CSMD3: variants seen among roughly 807,000 people sequenced by gnomAD.
The protein encoded by CSMD3 is CUB and Sushi multiple domains 3.
CSMD3 carries 177 observed loss-of-function variants against 435.2 expected under a neutral mutation model. The observed-to-expected ratio is 0.41, with a 90% CI of 0.36 to 0.46. The LOEUF is 0.46. CSMD3 is among the 20% of genes least tolerant of loss of function. CSMD3 has a pLI of 0.34. For synonymous variants in CSMD3, 1,656 were observed against 1,520.5 expected, an observed-to-expected ratio of 1.09 and a Z score of -2.07; for missense variants, 4,265 against 4,504.6, an observed-to-expected ratio of 0.95 and a Z score of 1.52.
chr8:112,881,307 T>C (rs1258927936), intron 10 of CSMD3, among the ~76,000 whole-genome samples: 4 of 152,084 alleles, frequency 2.6e-5, no homozygotes, highest in Admixed American at 6.6e-5. Flanking sequence ...GTACTGTTTT[T>C]TATTTTTAAA....
At chr8:112,620,332 A>G (rs541957676) in intron 22 of CSMD3, among the ~76,000 whole-genome samples, 1 of 152,152 alleles carries the variant, frequency 6.6e-6, no homozygotes, top group Non-Finnish European at 1.5e-5. Flanking sequence ...CGGTACTACA[A>G]TGATGTAGGA....
intron 1 of CSMD3, among the ~76,000 whole-genome samples, chr8:113,373,665 T>A (rs549200390): frequency 6.6e-6 from 1 of 152,048 alleles, no homozygotes; most frequent in Non-Finnish European, 1.5e-5. Context: ...GTTACTAACA[T>A]GAAAAATGGG....
At chr8:112,486,276 G>C (rs1472293269) in intron 31 of CSMD3, among the ~76,000 whole-genome samples, 1 of 151,950 alleles carries the variant, frequency 6.6e-6, no homozygotes, top group East Asian at 1.9e-4. Flanking sequence ...ATATAAAAAG[G>C]TCAATACAAA....
At chr8:113,150,559 C>T (rs564908989) in intron 4 of CSMD3, among the ~76,000 whole-genome samples, 1 of 151,936 alleles carries the variant, frequency 6.6e-6, no homozygotes, top group South Asian at 2.1e-4. Flanking sequence ...GAGGATCCAG[C>T]TAACCCATGC....
intron 57 of CSMD3, among the ~76,000 whole-genome samples, chr8:112,289,062 C>T (rs1819506221): frequency 6.6e-6 from 1 of 152,012 alleles, no homozygotes; most frequent in South Asian, 2.1e-4. Flanking sequence ...TGAATAGTTT[C>T]ACCATTTTAA....
At chr8:112,829,658 A>T (rs779644313) in intron 12 of CSMD3, 28 bp downstream of exon 12, 2 of 1,355,028 alleles carry the variant, frequency 1.5e-6, no homozygotes, top group South Asian at 2.3e-5. Flanking sequence ...CGATAGGCTA[A>T]GGCAAAAATG....
At chr8:113,334,394 T>G (rs1434554059) in intron 1 of CSMD3, among the ~76,000 whole-genome samples, 2 of 144,804 alleles carry the variant, frequency 1.4e-5, no homozygotes, top group African/African-American at 2.6e-5. Context: ...TGGTTGATTC[T>G]GGAATATAGA....
At chr8:113,066,085 C>T (rs1487102819) in intron 5 of CSMD3, among the ~76,000 whole-genome samples, 2 of 143,316 alleles carry the variant, frequency 1.4e-5, no homozygotes, top group African/African-American at 2.6e-5. Flanking sequence ...AGTTTGGAAA[C>T]CCTTATTCTT....
At chr8:113,098,074 A>C (rs1366042420) in intron 5 of CSMD3, among the ~76,000 whole-genome samples, 2 of 152,036 alleles carry the variant, frequency 1.3e-5, no homozygotes, top group African/African-American at 4.8e-5. Context: ...GGATATTCAA[A>C]CATCTTCAAG....
intron 13 of CSMD3, among the ~76,000 whole-genome samples, chr8:112,765,960 C>T (rs942796462): frequency 2.0e-5 from 3 of 151,706 alleles, no homozygotes; most frequent in African/African-American, 7.2e-5. Flanking sequence ...ACTAACTTTT[C>T]CCTAAAGTGT....
At chr8:112,424,883 G>A (rs1378721814) in intron 32 of CSMD3, among the ~76,000 whole-genome samples, 1 of 152,112 alleles carries the variant, frequency 6.6e-6, no homozygotes, top group African/African-American at 2.4e-5. Context: ...GTAGAGACGG[G>A]GTTTCACCAT....
intron 58 of CSMD3, among the ~76,000 whole-genome samples, chr8:112,285,522 A>C (rs1247536006): frequency 6.6e-6 from 1 of 152,118 alleles, no homozygotes; most frequent in African/African-American, 2.4e-5. Flanking sequence ...AAAAACCCTC[A>C]GGAAAGTTTG....
At position 112,237,347 on chromosome 8, in the gene CSMD3, A is replaced by G. The variant is rs1156680314; in HGVS notation, c.10470T>C (p.Val3490=). 38 of 1,598,866 alleles carry G rather than the reference A, an allele frequency of 2.4e-5. No homozygotes were observed. The highest frequency in any genetic ancestry group is 2.8e-5 in the Non-Finnish European group (33 of 1,166,392). Residue 3490 remains valine (V), a splice_region_variant and synonymous_variant, in exon 67 of 71, where the codon GTT becomes GTC. Coordinates refer to ENST00000297405, the MANE Select transcript of CSMD3 (RefSeq NM_198123.2). ...AATTTTGGGCAAATACATCATCAGG[A>G]ACTGTGAATAGATTAAATATACCAC... is the stretch of plus-strand genomic sequence containing the variant. ...ALGTPSPKLS[V]PDDVFAQNYI... is the part of the protein sequence containing the mutation.
intron 32 of CSMD3, among the ~76,000 whole-genome samples, chr8:112,455,537 C>T (rs966591660): frequency 3.3e-5 from 5 of 151,882 alleles, no homozygotes; most frequent in African/African-American, 7.3e-5. Context: ...TGTAACAAAT[C>T]TGCACATGTA....
chr8:112,529,952 A>G (rs1825361476), intron 27 of CSMD3, among the ~76,000 whole-genome samples: 1 of 152,144 alleles, frequency 6.6e-6, no homozygotes, highest in Non-Finnish European at 1.5e-5. Flanking sequence ...GAATTCCAAC[A>G]AACAGATAGA....
intron 1 of CSMD3, among the ~76,000 whole-genome samples, chr8:113,325,200 G>A (rs1347692390): frequency 2.0e-5 from 3 of 152,148 alleles, no homozygotes; most frequent in Admixed American, 6.5e-5. Context: ...GGGAAGGCAC[G>A]ATTGGTTTTG....
At chr8:112,586,759 T>G (rs942207477) in intron 23 of CSMD3, among the ~76,000 whole-genome samples, 2 of 151,278 alleles carry the variant, frequency 1.3e-5, no homozygotes, top group African/African-American at 4.8e-5. Context: ...ATATAATAAT[T>G]TATTAGACAA....
intron 1 of CSMD3, among the ~76,000 whole-genome samples, chr8:113,420,109 A>G (rs1483177158): frequency 6.6e-6 from 1 of 152,178 alleles, no homozygotes; most frequent in African/African-American, 2.4e-5. Context: ...TTTGCAACAA[A>G]TGGGCAATAT....
intron 22 of CSMD3, among the ~76,000 whole-genome samples, chr8:112,599,494 T>C (rs1586774211): frequency 1.3e-5 from 2 of 151,704 alleles, no homozygotes; most frequent in African/African-American, 4.8e-5. Flanking sequence ...AGAAATACCA[T>C]TTGACCCAGC....
Sources: allele counts gnomAD v4.1 joint callset (sites outside exome capture counted in the v4.1 genomes callset), GRCh38; gene constraint gnomAD v4.1.1; transcripts MANE v1.5; gene names NCBI Gene and HGNC (gene_info 2026-07-23, HGNC 2026-07-21).